The following PDE4D variants were observed in gnomAD, a reference collection of about 807,000 sequenced individuals.
PDE4D encodes the protein 3',5'-cyclic-AMP phosphodiesterase 4D.
PDE4D carries 24 observed loss-of-function variants against 87.4 expected under a neutral mutation model. The observed-to-expected ratio is 0.27, with a 90% CI of 0.20 to 0.39. The LOEUF is 0.39. PDE4D is among the 10% of genes least tolerant of loss of function. The pLI, the probability that PDE4D is intolerant of heterozygous loss-of-function variation, is 1.00. For missense variants in PDE4D, 714 were observed against 1,041.0 expected (o/e 0.69, Z 4.32); for synonymous variants, 384 against 383.2 (o/e 1.00, Z -0.02).
chr5:59,969,777 G>A lies in PDE4D; in HGVS notation c.272+18711C>T, dbSNP rs559942164. Among the ~76,000 whole-genome samples the A allele has an allele frequency of 2.4e-3, 364 of 152,232 alleles. 1 individual carries two copies. Among genetic ancestry groups the A allele is most frequent in the Admixed American group, 5.6e-3 (85 of 15,290 alleles). On this transcript the variant is annotated intron_variant, in intron 3 of 16. Transcript: ENST00000502484. ...CTGCAGTTCTCCTTGCTGCCACCAC[G>A]TGAAGAAGGGTTTGCTTCCCCTTCT...
At position 59,069,900 on chromosome 5, in the gene PDE4D, C is replaced by CT. The variant is rs535134410; in HGVS notation, c.809-30930dup. On this transcript the variant is annotated intron_variant, in intron 5 of 14. Coordinates refer to ENST00000340635, the MANE Select transcript of PDE4D (RefSeq NM_001104631.2). ...CAAAAGAAAAATGGAAACAAGCCAT[C>CT]TTTTTTTTACCCATAATTCTACCAC... is the stretch of plus-strand genomic sequence containing the variant. Among the ~76,000 whole-genome samples, 520 of 151,990 alleles carry CT rather than the reference C, an allele frequency of 3.4e-3. 1 individual carries two copies. The highest frequency in any genetic ancestry group is 0.014 in the Middle Eastern group (4 of 292).
At chr5:60,328,345 T>C (rs546693508) in intron 1 of PDE4D, among the ~76,000 whole-genome samples, 1 of 152,344 alleles carries the variant, frequency 6.6e-6, no homozygotes, top group Non-Finnish European at 1.5e-5. Context: ...TCCCAGTTAT[T>C]ATCTCCCAAA....
chr5:59,354,361 C>T (rs1236520120), intron 1 of PDE4D, among the ~76,000 whole-genome samples: 3 of 152,114 alleles, frequency 2.0e-5, no homozygotes, highest in Non-Finnish European at 4.4e-5. Flanking sequence ...AAAAACAAGG[C>T]TGTGACATTA....
At chr5:60,505,465 A>T (rs946494623) in intron 1 of PDE4D, among the ~76,000 whole-genome samples, 2 of 152,214 alleles carry the variant, frequency 1.3e-5, no homozygotes, top group Non-Finnish European at 2.9e-5. Flanking sequence ...CCCAGAAAGC[A>T]TATCAACGTA....
Position 60,167,063 on chromosome 5 carries a change from C to T in PDE4D, c.42+18494G>A, listed in dbSNP as rs77060262. Among the ~76,000 whole-genome samples the T allele has an allele frequency of 4.4e-3, 668 of 152,186 alleles. 43 individuals carry two copies. In the East Asian group the frequency reaches 0.12, roughly 26 times the overall value. On this transcript the variant is annotated intron_variant, in intron 2 of 16. Coordinates refer to the PDE4D transcript ENST00000502484. ...ACTGAATCTGATTGGAAATCTTTGA[C>T]CTTCCTGACCTGAATACTTATTTCT...
At chr5:60,041,154 C>T (rs1405986778) in intron 2 of PDE4D, among the ~76,000 whole-genome samples, 2 of 152,050 alleles carry the variant, frequency 1.3e-5, no homozygotes, top group Non-Finnish European at 2.9e-5. Context: ...ATAAATGAAG[C>T]TTTGGATTAT....
At chr5:59,271,650 T>C (rs373305434) in intron 1 of PDE4D, among the ~76,000 whole-genome samples, 182 of 152,210 alleles carry the variant, frequency 1.2e-3, no homozygotes, top group African/African-American at 4.3e-3. Context: ...AATCCTCCAT[T>C]GGTCAGAGTT....
chr5:59,176,192 T>G (rs972048387), intron 5 of PDE4D, among the ~76,000 whole-genome samples: 1 of 152,182 alleles, frequency 6.6e-6, no homozygotes, highest in Non-Finnish European at 1.5e-5. Flanking sequence ...TTACCTACTA[T>G]ATATTGAAAT....
intron 2 of PDE4D, among the ~76,000 whole-genome samples, chr5:60,004,747 A>T (rs1031076441): frequency 6.6e-6 from 1 of 152,174 alleles, no homozygotes; most frequent in Non-Finnish European, 1.5e-5. Flanking sequence ...TCACCAGGGA[A>T]ATGTACATCA....
At chr5:60,381,329 T>A (rs1328177035) in intron 1 of PDE4D, among the ~76,000 whole-genome samples, 1 of 152,210 alleles carries the variant, frequency 6.6e-6, no homozygotes, top group African/African-American at 2.4e-5. Flanking sequence ...CAGAATTAAG[T>A]GCATCTGTGC....
At chr5:59,953,777 A>G (rs2152805953) in intron 3 of PDE4D, among the ~76,000 whole-genome samples, 1 of 152,356 alleles carries the variant, frequency 6.6e-6, no homozygotes, top group Admixed American at 6.5e-5. Context: ...CATTTGCTTT[A>G]CCCATCCAAT....
At chr5:60,368,378 C>A (rs996942734) in intron 1 of PDE4D, among the ~76,000 whole-genome samples, 2 of 152,118 alleles carry the variant, frequency 1.3e-5, no homozygotes, top group Non-Finnish European at 1.5e-5. Flanking sequence ...TTAAGTTTCA[C>A]TGGGAATATC....
rs1469308116 is a variant in PDE4D, at chr5:59,618,800, C to A, written c.455+274368G>T. On this transcript the variant is annotated intron_variant, in intron 1 of 14. Transcript: ENST00000340635. ...TGGGACCTTTAAGAGGTAATTAGGT[C>A]ATGAGGGCTCCACCCTCATGGGAGG... Among the ~76,000 whole-genome samples, 15 of 152,142 alleles carry A rather than the reference C, an allele frequency of 9.9e-5. No individual in the cohort carries two copies. The East Asian group carries it at 2.7e-3, about 27-fold the overall frequency.
intron 2 of PDE4D, among the ~76,000 whole-genome samples, chr5:59,207,047 T>C (rs558935770): frequency 1.3e-5 from 2 of 152,052 alleles, no homozygotes; most frequent in East Asian, 1.9e-4. Context: ...TAGCCGGGTG[T>C]GGTAGCATAC....
chr5:59,240,039 A>T (rs1581550502), intron 1 of PDE4D, among the ~76,000 whole-genome samples: 1 of 152,132 alleles, frequency 6.6e-6, no homozygotes, highest in South Asian at 2.1e-4. Context: ...AATTTTACTC[A>T]TTGCATGCAT....
chr5:60,237,275 A>G (rs1746532612), intron 1 of PDE4D, among the ~76,000 whole-genome samples: 1 of 152,066 alleles, frequency 6.6e-6, no homozygotes, highest in Non-Finnish European at 1.5e-5. Flanking sequence ...TTCACTCTGA[A>G]GCATTTATCC....
In PDE4D at chr5:59,502,532, T is replaced by TTTAA. The variant is rs1808472895; in HGVS notation, c.456-286565_456-286564insTTAA. Among the ~76,000 whole-genome samples the TTTAA allele has an allele frequency of 2.0e-5, 3 of 152,164 alleles. No homozygotes were observed. The South Asian group carries it at 6.2e-4, about 32-fold the overall frequency. ...AGATGGAGATATATCTAATGAAACA[T>TTTAA]AAATTTAAAAAAAGACATTTTATTC... On this transcript the variant is annotated intron_variant, in intron 1 of 14. Transcript: ENST00000340635.
At chr5:60,512,801 C>T (rs1750633439) in intron 1 of PDE4D, among the ~76,000 whole-genome samples, 1 of 152,044 alleles carries the variant, frequency 6.6e-6, no homozygotes, top group South Asian at 2.1e-4. Flanking sequence ...CAGAAATGAT[C>T]GCAGCTGGGA....
rs556544924 is a variant in PDE4D, at chr5:60,026,042, T to C, written c.43-37325A>G. On this transcript the variant is annotated intron_variant, in intron 2 of 16. Coordinates refer to the PDE4D transcript ENST00000502484. The stretch of plus-strand genomic sequence containing the variant: ...TAAAAAGGTAATGTGGTGATGGTTT[T>C]TATAAATGGTAGCAAAATTATAACA... Among the ~76,000 whole-genome samples the C allele has an allele frequency of 1.8e-4, 28 of 152,312 alleles. 1 individual carries two copies. Among genetic ancestry groups the C allele is most frequent in the Admixed American group, 1.6e-3 (25 of 15,296 alleles).
Sources: allele counts gnomAD v4.1 joint callset (sites outside exome capture counted in the v4.1 genomes callset), GRCh38; gene constraint gnomAD v4.1.1; transcripts MANE v1.5; gene names NCBI Gene and HGNC (gene_info 2026-07-23, HGNC 2026-07-21).